Variants in GRIN2A observed in about 807,000 individuals in gnomAD.
The protein encoded by GRIN2A is glutamate receptor ionotropic, NMDA 2A.
In GRIN2A, 22 loss-of-function variants were observed where a neutral mutation model predicts 113.4. The ratio of observed to expected loss-of-function variants is 0.19; its 90% confidence interval spans 0.14 to 0.28. The LOEUF (loss-of-function observed/expected upper bound fraction) is 0.28. GRIN2A is among the 10% of genes least tolerant of loss of function. The probability of loss-of-function intolerance (pLI) is 1.00; values close to 1 mark genes in which losing one functional copy is unlikely to be tolerated. For synonymous variants in GRIN2A, 827 were observed against 738.4 expected, an observed-to-expected ratio of 1.12 and a Z score of -1.94; for missense variants, 1,502 against 1,887.0, an observed-to-expected ratio of 0.80 and a Z score of 3.78.
At position 10,147,962 on chromosome 16, in the gene GRIN2A, A is replaced by G. The variant is rs115460358; in HGVS notation, c.414+32036T>C. On this transcript the variant is annotated intron_variant, in intron 2 of 12. Coordinates refer to ENST00000330684, the MANE Select transcript of GRIN2A (RefSeq NM_001134407.3). Reference sequence around the variant, plus strand: ...TCTGTGTTGTCAAATCCACAGGACAATTCTCATTCCTTGTCCTACCAGCAT... The same window carrying G: ...TCTGTGTTGTCAAATCCACAGGACAGTTCTCATTCCTTGTCCTACCAGCAT... Among the ~76,000 whole-genome samples, 488 of 152,284 alleles carry G rather than the reference A, an allele frequency of 3.2e-3. 3 individuals are homozygous for G. Among genetic ancestry groups the G allele is most frequent in the African/African-American group, 0.011 (471 of 41,560 alleles).
chr16:10,170,633 T>C (rs1475710329), intron 2 of GRIN2A, among the ~76,000 whole-genome samples: 1 of 152,182 alleles, frequency 6.6e-6, no homozygotes, highest in Non-Finnish European at 1.5e-5. Flanking sequence ...ACCAGCACTT[T>C]GGGAGGCCAA....
At chr16:10,064,409 C>T (rs999523854) in intron 2 of GRIN2A, among the ~76,000 whole-genome samples, 13 of 152,142 alleles carry the variant, frequency 8.5e-5, no homozygotes, top group Admixed American at 2.0e-4. Flanking sequence ...TTCCCAAAGC[C>T]CTGCACCAGA....
At chr16:9,794,551 C>G (rs555790457) in intron 11 of GRIN2A, 1 of 152,166 alleles carries the variant, frequency 6.6e-6, no homozygotes, top group African/African-American at 2.4e-5. Context: ...CATGGCTTTC[C>G]GGGAAGATCA....
Position 9,764,266 on chromosome 16 carries a change from T to C in GRIN2A, c.3278A>G (p.Lys1093Arg). The C allele has an allele frequency of 1.2e-6, 2 of 1,613,926 alleles. No individual in the cohort carries two copies. The highest frequency in any genetic ancestry group is 2.7e-5 in the African/African-American group (2 of 74,970). The change falls in exon 13 of 13, where the codon AAA (lysine) becomes AGA (arginine). Residue 1093 changes from lysine (K) to arginine (R), a missense_variant. Transcript: ENST00000330684. ...GACCTCACTACAGTCCTTGGGGTAT[T>C]TGGAGGCCACTGACCTTTTAAAGTT... ...KDNFKRSVAS[K>R]YPKDCSEVER... is the part of the protein sequence containing the mutation.
chr16:9,818,605 A>T (rs1001386136), intron 10 of GRIN2A, among the ~76,000 whole-genome samples: 1 of 152,146 alleles, frequency 6.6e-6, no homozygotes, highest in African/African-American at 2.4e-5. Flanking sequence ...AGACCAACAA[A>T]CCAATAGAAA....
At chr16:9,972,542 A>G (rs1268913955) in intron 2 of GRIN2A, among the ~76,000 whole-genome samples, 1 of 152,204 alleles carries the variant, frequency 6.6e-6, no homozygotes, top group Non-Finnish European at 1.5e-5. Context: ...ATCACAAAGA[A>G]AAAGGTAGGA....
chr16:10,051,823 C>T (rs1225648206), intron 2 of GRIN2A, among the ~76,000 whole-genome samples: 1 of 152,172 alleles, frequency 6.6e-6, no homozygotes, highest in Non-Finnish European at 1.5e-5. Flanking sequence ...GCCAGGCTGG[C>T]CTGCTCCTGT....
At chr16:10,016,931 T>C (rs1389011926) in intron 2 of GRIN2A, among the ~76,000 whole-genome samples, 1 of 152,202 alleles carries the variant, frequency 6.6e-6, no homozygotes, top group Admixed American at 6.5e-5. Flanking sequence ...TCTTCAAATA[T>C]CATCAGTCAC....
intron 2 of GRIN2A, among the ~76,000 whole-genome samples, chr16:10,127,624 G>C (rs558180145): frequency 6.6e-6 from 1 of 152,116 alleles, no homozygotes; most frequent in South Asian, 2.1e-4. Context: ...TTTATAGCAT[G>C]AACTATGTCC....
chr16:9,910,459 A>G (rs2044110879), intron 3 of GRIN2A, among the ~76,000 whole-genome samples: 2 of 152,002 alleles, frequency 1.3e-5, no homozygotes, highest in African/African-American at 2.4e-5. Flanking sequence ...CAAGGATACA[A>G]TAAGTAGTTG....
chr16:9,984,790 G>T (rs983481477), intron 2 of GRIN2A, among the ~76,000 whole-genome samples: 8 of 152,040 alleles, frequency 5.3e-5, no homozygotes, highest in African/African-American at 1.2e-4. Flanking sequence ...GAATTCATGG[G>T]GGCATCCTGT....
In GRIN2A at chr16:9,788,999, C is replaced by G. The variant is rs145245784; in HGVS notation, c.2356+9278G>C. Among the ~76,000 whole-genome samples, 394 of 152,288 alleles carry G rather than the reference C, an allele frequency of 2.6e-3. 4 individuals carry two copies. The highest frequency in any genetic ancestry group is 0.024 in the East Asian group (122 of 5,174). ...CCTCGTGATCCACCCTCCTCGGCCTCTCAAAGTGCTGGGATTACAGGTGTG... is the reference window on the plus strand; with the variant it reads ...CCTCGTGATCCACCCTCCTCGGCCTGTCAAAGTGCTGGGATTACAGGTGTG... On this transcript the variant is annotated intron_variant, in intron 11 of 12. Coordinates refer to ENST00000330684, the MANE Select transcript of GRIN2A (RefSeq NM_001134407.3).
intron 11 of GRIN2A, among the ~76,000 whole-genome samples, chr16:9,792,092 T>C (rs998354889): frequency 7.2e-6 from 1 of 139,510 alleles, no homozygotes; most frequent in African/African-American, 2.9e-5. Context: ...TGTGTGTGTG[T>C]GTGTGTGTGT....
chr16:9,896,493 G>A (rs759297716), intron 3 of GRIN2A, among the ~76,000 whole-genome samples: 1 of 152,122 alleles, frequency 6.6e-6, no homozygotes, highest in Non-Finnish European at 1.5e-5. Flanking sequence ...AAATCAGATG[G>A]AATTAGCAGA....
At chr16:9,782,525 G>A (rs765287) in intron 11 of GRIN2A, among the ~76,000 whole-genome samples, 62,771 of 152,038 alleles carry the variant, frequency 0.41, 13,547 homozygotes, top group African/African-American at 0.54. Flanking sequence ...AATTTTGCAC[G>A]AGCCTATGTG....
intron 2 of GRIN2A, among the ~76,000 whole-genome samples, chr16:10,109,147 G>T (rs956723982): frequency 2.0e-5 from 3 of 151,792 alleles, no homozygotes; most frequent in Admixed American, 2.0e-4. Flanking sequence ...AAACCCTTAT[G>T]CCTATAAATT....
At chr16:9,858,787 T>C (rs966685683) in intron 4 of GRIN2A, among the ~76,000 whole-genome samples, 1 of 152,182 alleles carries the variant, frequency 6.6e-6, no homozygotes, top group Non-Finnish European at 1.5e-5. Context: ...AAATTGTATG[T>C]CTCAAGTTAA....
At chr16:10,052,171 A>C (rs1047828166) in intron 2 of GRIN2A, among the ~76,000 whole-genome samples, 1 of 152,272 alleles carries the variant, frequency 6.6e-6, no homozygotes, top group Admixed American at 6.5e-5. Context: ...GGAGGAAATT[A>C]ACACAAAGAT....
intron 2 of GRIN2A, among the ~76,000 whole-genome samples, chr16:9,981,514 C>T (rs369283222): frequency 1.1e-4 from 16 of 152,248 alleles, no homozygotes; most frequent in African/African-American, 3.6e-4. Context: ...ATATTCTTAC[C>T]AATGTTCTCC....
Sources: allele counts gnomAD v4.1 joint callset (sites outside exome capture counted in the v4.1 genomes callset), GRCh38; gene constraint gnomAD v4.1.1; transcripts MANE v1.5; gene names NCBI Gene and HGNC (gene_info 2026-07-23, HGNC 2026-07-21).